The following MYO16 variants were observed in gnomAD, a reference collection of about 807,000 sequenced individuals.
MYO16 encodes the protein myosin XVI, also known as unconventional myosin-XVI.
MYO16 carries 94 observed loss-of-function variants against 205.3 expected under a neutral mutation model. The observed-to-expected ratio is 0.46, with a 90% CI of 0.39 to 0.54. The LOEUF is 0.54. Among genes scored for constraint, MYO16 ranks in the 20% least tolerant of loss-of-function variants. The pLI is 0.00. For missense variants in MYO16, 2,315 were observed against 2,387.5 expected, an observed-to-expected ratio of 0.97 and a Z score of 0.63; for synonymous variants, 988 against 954.0, an observed-to-expected ratio of 1.04 and a Z score of -0.66.
chr13:108,676,590 T>A (rs980100367), intron 2 of MYO16, among the ~76,000 whole-genome samples: 6 of 152,114 alleles, frequency 3.9e-5, no homozygotes, highest in African/African-American at 7.2e-5. Context: ...TGGGTCCCCA[T>A]CCAAGGACTT....
intron 7 of MYO16, among the ~76,000 whole-genome samples, chr13:108,812,519 A>T (rs1450055184): frequency 1.3e-5 from 2 of 152,114 alleles, no homozygotes; most frequent in African/African-American, 4.8e-5. Flanking sequence ...GGAGATTTCC[A>T]TGAGAAACCC....
chr13:108,779,634 A>AT (rs2138905289), intron 4 of MYO16: 1 of 152,334 alleles, frequency 6.6e-6, no homozygotes, highest in African/African-American at 2.4e-5. Flanking sequence ...GGAGGCTAAT[A>AT]TAAATGGGTG....
At chr13:108,752,945 A>C (rs1885288852) in intron 4 of MYO16, among the ~76,000 whole-genome samples, 1 of 150,438 alleles carries the variant, frequency 6.6e-6, no homozygotes, top group Non-Finnish European at 1.5e-5. Context: ...GAAAATGATT[A>C]TGTAAAACAC....
intron 27 of MYO16, among the ~76,000 whole-genome samples, chr13:109,058,430 C>A (rs1352488753): frequency 2.0e-5 from 3 of 152,058 alleles, no homozygotes; most frequent in Admixed American, 2.0e-4. Flanking sequence ...TGATGGACTA[C>A]CATAATAAAG....
intron 12 of MYO16, among the ~76,000 whole-genome samples, chr13:108,880,009 C>T (rs1444527016): frequency 6.6e-6 from 1 of 152,174 alleles, no homozygotes; most frequent in African/African-American, 2.4e-5. Context: ...TTCTCCACAT[C>T]CTCTCCAGCA....
intron 4 of MYO16, chr13:108,779,852 C>T (rs1479219953): frequency 6.6e-6 from 1 of 152,226 alleles, no homozygotes; most frequent in Non-Finnish European, 1.5e-5. Flanking sequence ...TAAAGGAGGA[C>T]CCTCCGGAGG....
At chr13:108,692,080 A>G (rs186185685) in intron 2 of MYO16, among the ~76,000 whole-genome samples, 120 of 152,302 alleles carry the variant, frequency 7.9e-4, no homozygotes, top group Admixed American at 1.6e-3. Context: ...CATTCCCTCT[A>G]AAGTTTTTGA....
At chr13:109,200,511 A>G (rs1421716035) in intron 34 of MYO16, among the ~76,000 whole-genome samples, 1 of 152,166 alleles carries the variant, frequency 6.6e-6, no homozygotes, top group African/African-American at 2.4e-5. Context: ...ACATTATTCA[A>G]TACATCAATA....
At chr13:108,877,233 T>C (rs1015520050) in intron 12 of MYO16, among the ~76,000 whole-genome samples, 1 of 152,242 alleles carries the variant, frequency 6.6e-6, no homozygotes, top group Non-Finnish European at 1.5e-5. Flanking sequence ...ATATTCCCAG[T>C]TGAACATGAA....
At chr13:108,573,516 T>C in the MYO16 span, among the ~76,000 whole-genome samples, 1 of 152,192 alleles carries the variant, frequency 6.6e-6, no homozygotes, top group Non-Finnish European at 1.5e-5. Flanking sequence ...ATTCACTGCA[T>C]AGCAAAATTA....
chr13:109,049,974 G>A (rs1039612075), intron 24 of MYO16, among the ~76,000 whole-genome samples: 19 of 136,868 alleles, frequency 1.4e-4, no homozygotes, highest in African/African-American at 4.7e-4. Flanking sequence ...GTGTGTGTGT[G>A]TGTTTACTTT....
chr13:108,595,630 C>T (rs1878528604), upstream of MYO16, among the ~76,000 whole-genome samples: 1 of 152,104 alleles, frequency 6.6e-6, no homozygotes, highest in African/African-American at 2.4e-5. Context: ...CCCTCTCCAC[C>T]TGCTGGGAGT....
At chr13:108,598,854 T>C (rs1303529855) in intron 1 of MYO16, among the ~76,000 whole-genome samples, 1 of 152,120 alleles carries the variant, frequency 6.6e-6, no homozygotes, top group Admixed American at 6.6e-5. Context: ...TTTTTCTTTT[T>C]TTTTTATTAT....
Position 108,825,078 on chromosome 13 carries a change from A to C in MYO16, c.1097+1800A>C, listed in dbSNP as rs553554239. On this transcript the variant is annotated intron_variant, in intron 9 of 34. Coordinates refer to ENST00000457511, the MANE Select transcript of MYO16 (RefSeq NM_001198950.3). ...TATCAGGTCAGAATTACCCGGATAC[A>C]AAAATCAGATAAAAATATCAGATAA... is the stretch of plus-strand genomic sequence containing the variant. 2.2e-4 allele frequency among the ~76,000 whole-genome samples: 33 copies of C among 152,268 alleles called. 1 individual carries two copies. The highest frequency in any genetic ancestry group is 7.0e-4 in the African/African-American group (29 of 41,588).
intron 2 of MYO16, among the ~76,000 whole-genome samples, chr13:108,699,076 G>GTCTC (rs71791844): frequency 2.0e-4 from 30 of 147,876 alleles, no homozygotes; most frequent in East Asian, 4.0e-4. Flanking sequence ...GTCTCTCTCT[G>GTCTC]TCTCTCTCTC....
chr13:109,168,360 A>G (rs1183682389), intron 33 of MYO16, among the ~76,000 whole-genome samples: 1 of 152,174 alleles, frequency 6.6e-6, no homozygotes, highest in African/African-American at 2.4e-5. Context: ...AAGGGATAGA[A>G]AAGAAAAAGA....
chr13:108,642,919 A>T (rs1298638187), intron 1 of MYO16, among the ~76,000 whole-genome samples: 17 of 152,290 alleles, frequency 1.1e-4, no homozygotes, highest in Admixed American at 1.1e-3. Context: ...ATTTATTTCA[A>T]CACTTTGCCT....
At chr13:108,833,758 G>T (rs1876747162) in intron 9 of MYO16, among the ~76,000 whole-genome samples, 1 of 152,032 alleles carries the variant, frequency 6.6e-6, no homozygotes, top group Non-Finnish European at 1.5e-5. Flanking sequence ...AAGTAAGTCT[G>T]GCATAAATCC....
intron 34 of MYO16, among the ~76,000 whole-genome samples, chr13:109,194,279 G>C (rs1880054030): frequency 6.6e-6 from 1 of 152,072 alleles, no homozygotes; most frequent in Non-Finnish European, 1.5e-5. Flanking sequence ...GATTGACACG[G>C]AAAACTTTTT....
Sources: allele counts gnomAD v4.1 joint callset (sites outside exome capture counted in the v4.1 genomes callset), GRCh38; gene constraint gnomAD v4.1.1; transcripts MANE v1.5; gene names NCBI Gene and HGNC (gene_info 2026-07-23, HGNC 2026-07-21).